Variants in TMEM132C observed in about 807,000 individuals in gnomAD.
TMEM132C encodes the protein transmembrane protein 132C.
TMEM132C carries 29 observed loss-of-function variants against 61.4 expected under a neutral mutation model. The ratio of observed to expected loss-of-function variants is 0.47; its 90% confidence interval spans 0.35 to 0.64. TMEM132C has a LOEUF of 0.64. Among genes scored for constraint, TMEM132C ranks in the 30% least tolerant of loss-of-function variants. The pLI is 0.00. For synonymous variants in TMEM132C, 656 were observed against 633.1 expected (o/e 1.04, Z -0.54); for missense variants, 1,408 against 1,476.9 (o/e 0.95, Z 0.76).
chr12:128,391,490 A>AAAGATT (rs1373116996), intron 1 of TMEM132C, among the ~76,000 whole-genome samples: 1 of 152,202 alleles, frequency 6.6e-6, no homozygotes, highest in Non-Finnish European at 1.5e-5. Flanking sequence ...GAGCCCAGCA[A>AAAGATT]AAGATTAAGT....
intron 5 of TMEM132C, among the ~76,000 whole-genome samples, chr12:128,690,937 G>T (rs1013235752): frequency 6.6e-6 from 1 of 152,132 alleles, no homozygotes; most frequent in African/African-American, 2.4e-5. Flanking sequence ...GCCATCCATG[G>T]TTCCCGGAAG....
rs1027721970 is a variant in TMEM132C, at chr12:128,577,847, T to C, written c.1121+33744T>C. Among the ~76,000 whole-genome samples, 161 of 152,342 alleles carry C rather than the reference T, an allele frequency of 1.1e-3. 1 individual carries two copies. The highest frequency in any genetic ancestry group is 3.6e-3 in the African/African-American group (149 of 41,578). ...TGCCCTTGATGCCTTATTAGAAGGC[T>C]TGAAATACCACCTTCTTCGCGGCTC... is the stretch of plus-strand genomic sequence containing the variant. On this transcript the variant is annotated intron_variant, in intron 3 of 8. Transcript: ENST00000435159.
intron 2 of TMEM132C, among the ~76,000 whole-genome samples, chr12:128,445,444 G>A (rs1869946113): frequency 6.6e-6 from 1 of 152,164 alleles, no homozygotes; most frequent in Non-Finnish European, 1.5e-5. Flanking sequence ...TAAACATTAG[G>A]CAGAGCCAGC....
chr12:128,364,703 C>T (rs1012241652), intron 1 of TMEM132C, among the ~76,000 whole-genome samples: 5 of 152,196 alleles, frequency 3.3e-5, no homozygotes, highest in African/African-American at 9.7e-5. Context: ...AGGGGGTCTG[C>T]GGGACCTTCA....
At chr12:128,405,145 G>A (rs1875297040) in intron 1 of TMEM132C, among the ~76,000 whole-genome samples, 1 of 152,140 alleles carries the variant, frequency 6.6e-6, no homozygotes, top group Non-Finnish European at 1.5e-5. Flanking sequence ...GCAAGCAGAT[G>A]AACTGGAGTA....
intron 1 of TMEM132C, among the ~76,000 whole-genome samples, chr12:128,367,825 A>G (rs1320136273): frequency 6.6e-6 from 1 of 152,106 alleles, no homozygotes; most frequent in Non-Finnish European, 1.5e-5. Context: ...GTTTAATAAA[A>G]TGTTATTAAA....
chr12:128,366,918 G>A lies in TMEM132C; in HGVS notation c.86-47814G>A, dbSNP rs117345775. Among the ~76,000 whole-genome samples the A allele has an allele frequency of 2.6e-4, 40 of 152,342 alleles. No homozygotes were observed. The East Asian group carries it at 6.0e-3, about 23-fold the overall frequency. On this transcript the variant is annotated intron_variant, in intron 1 of 8. Transcript: ENST00000435159. ...AATAAGCAAGTGCTTAAGCAATCAC[G>A]TGAATTCAGAAATGTGTGCAGAAGT...
chr12:128,449,371 C>T (rs117231204), intron 2 of TMEM132C, among the ~76,000 whole-genome samples: 4,061 of 152,144 alleles, frequency 0.027, 72 homozygotes, highest in Middle Eastern at 0.048. Context: ...TCCCCGGAGG[C>T]GTTTTTGTTT....
chr12:128,368,415 C>T (rs1873932909), intron 1 of TMEM132C, among the ~76,000 whole-genome samples: 1 of 152,166 alleles, frequency 6.6e-6, no homozygotes, highest in Admixed American at 6.5e-5. Context: ...GGCACTTTAC[C>T]TACTTAAACT....
intron 3 of TMEM132C, among the ~76,000 whole-genome samples, chr12:128,580,548 G>A (rs780891940): frequency 1.4e-4 from 21 of 152,232 alleles, no homozygotes; most frequent in African/African-American, 3.6e-4. Context: ...ACGGTCCAAC[G>A]TGGGAAATTG....
intron 4 of TMEM132C, among the ~76,000 whole-genome samples, chr12:128,617,262 CT>C (rs1182507855): frequency 6.6e-6 from 1 of 152,226 alleles, no homozygotes; most frequent in Non-Finnish European, 1.5e-5. Context: ...GCTTCTCTTC[CT>C]TTCTCAGCTC....
At chr12:128,520,220 G>A (rs367693370) in intron 2 of TMEM132C, among the ~76,000 whole-genome samples, 4 of 152,176 alleles carry the variant, frequency 2.6e-5, no homozygotes, top group Admixed American at 6.5e-5. Context: ...CAGAGCCCTC[G>A]CTCAGCAGTC....
At chr12:128,365,167 C>T (rs995369162) in intron 1 of TMEM132C, among the ~76,000 whole-genome samples, 7 of 152,170 alleles carry the variant, frequency 4.6e-5, no homozygotes, top group East Asian at 3.9e-4. Flanking sequence ...GCCACACTGT[C>T]GTAATCCTCT....
chr12:128,682,930 G>T lies in TMEM132C; in HGVS notation c.1450-10899G>T, dbSNP rs184543142. Among the ~76,000 whole-genome samples the T allele has an allele frequency of 4.8e-3, 736 of 152,282 alleles. 9 individuals are homozygous for T. The highest frequency in any genetic ancestry group is 0.017 in the African/African-American group (702 of 41,546). On this transcript the variant is annotated intron_variant, in intron 5 of 8. Transcript: ENST00000435159. ...ATCTGGAACAGGGCACTCTTCCTTG[G>T]TTTGTAGAGGCATCACCGCATTCTC...
At chr12:128,603,250 C>A (rs1468018747) in intron 3 of TMEM132C, among the ~76,000 whole-genome samples, 6 of 152,176 alleles carry the variant, frequency 3.9e-5, no homozygotes, top group Admixed American at 1.3e-4. Flanking sequence ...CAGGGCCAGG[C>A]TAGATTCAGG....
chr12:128,321,150 T>TAAG (rs1397518459), intron 1 of TMEM132C, among the ~76,000 whole-genome samples: 1 of 145,854 alleles, frequency 6.9e-6, no homozygotes, highest in South Asian at 2.1e-4. Flanking sequence ...ATAATAATAA[T>TAAG]AATAATAATA....
chr12:128,267,661 C>T (rs899115999), intron 1 of TMEM132C, among the ~76,000 whole-genome samples, 174 bp downstream of exon 1: 2 of 152,134 alleles, frequency 1.3e-5, no homozygotes, highest in Admixed American at 1.3e-4. Flanking sequence ...GAAGGGCGCT[C>T]CCAGCTGGGC....
chr12:128,686,089 T>C (rs1954673336), intron 5 of TMEM132C, among the ~76,000 whole-genome samples: 1 of 133,200 alleles, frequency 7.5e-6, no homozygotes, highest in Non-Finnish European at 1.5e-5. Flanking sequence ...GCATGTGTGT[T>C]GTGTGCGCAT....
intron 2 of TMEM132C, among the ~76,000 whole-genome samples, chr12:128,453,281 C>T (rs557902781): frequency 1.3e-5 from 2 of 152,328 alleles, no homozygotes; most frequent in South Asian, 4.2e-4. Flanking sequence ...AGTCTTGTCT[C>T]TGCTCCATGT....
Sources: allele counts gnomAD v4.1 joint callset (sites outside exome capture counted in the v4.1 genomes callset), GRCh38; gene constraint gnomAD v4.1.1; transcripts MANE v1.5; gene names NCBI Gene and HGNC (gene_info 2026-07-23, HGNC 2026-07-21).